MEF2C: variants seen among roughly 807,000 people sequenced by gnomAD.
MEF2C encodes myocyte-specific enhancer factor 2C.
Under a neutral mutation model 50.5 loss-of-function variants are expected in MEF2C, and 6 were observed. The observed-to-expected ratio is 0.12, with a 90% CI of 0.07 to 0.23. The LOEUF (loss-of-function observed/expected upper bound fraction) is 0.23. Ranked by LOEUF, MEF2C falls within the 10% of genes least tolerant of loss-of-function variation. The pLI, the probability that MEF2C is intolerant of heterozygous loss-of-function variation, is 1.00. For missense variants in MEF2C, 276 were observed against 605.0 expected (o/e 0.46, Z 5.70); for synonymous variants, 183 against 228.0 (o/e 0.80, Z 1.78).
chr5:88,869,180 A>C (rs1201322454), intron 1 of MEF2C, among the ~76,000 whole-genome samples: 1 of 149,034 alleles, frequency 6.7e-6, no homozygotes, highest in Non-Finnish European at 1.5e-5. Context: ...ACAATATATC[A>C]GTTTCACAAT....
intron 2 of MEF2C, among the ~76,000 whole-genome samples, chr5:88,820,027 G>A (rs1807484412): frequency 6.6e-6 from 1 of 151,598 alleles, no homozygotes; most frequent in African/African-American, 2.4e-5. Context: ...ACAGATAAAT[G>A]AATTATTCAG....
intron 6 of MEF2C, among the ~76,000 whole-genome samples, chr5:88,747,270 C>T (rs1342712895): frequency 6.8e-6 from 1 of 147,814 alleles, no homozygotes; most frequent in Non-Finnish European, 1.5e-5. Context: ...TAAGCAGTAA[C>T]AAGCCACTTC....
rs987863459 is a variant in MEF2C, at chr5:88,721,414, A to G, written c.*1190T>C. 1 of 152,648 alleles carries G rather than the reference A, an allele frequency of 6.6e-6. No homozygotes were observed. Among genetic ancestry groups the G allele is most frequent in the Non-Finnish European group, 1.5e-5 (1 of 68,042 alleles). 9.5% of individuals were successfully genotyped at this position (152,648 alleles called of 1,614,324 possible). A position where few individuals can be genotyped will look rare whatever the true frequency, so the allele number is the denominator to read the frequency against. On this transcript the variant is annotated 3_prime_UTR_variant, in exon 11 of 11. Transcript: ENST00000504921. The stretch of plus-strand genomic sequence containing the variant: ...ATTAAAAACAATTTAGGGTGTTGCA[A>G]TGTGATATGTTCTAACCCCACAGGT...
At chr5:88,893,798 A>G (rs1382703319) in intron 1 of MEF2C, among the ~76,000 whole-genome samples, 2 of 152,138 alleles carry the variant, frequency 1.3e-5, no homozygotes, top group African/African-American at 4.8e-5. Flanking sequence ...ATTATTTTGT[A>G]ATATGGTGAG....
At chr5:88,763,451 T>A (rs1778705807) in intron 3 of MEF2C, among the ~76,000 whole-genome samples, 1 of 152,216 alleles carries the variant, frequency 6.6e-6, no homozygotes, top group Non-Finnish European at 1.5e-5. Flanking sequence ...TTCTGGCTGA[T>A]AACTATTGTA....
At chr5:88,811,448 G>T (rs1321227556) in intron 2 of MEF2C, among the ~76,000 whole-genome samples, 1 of 152,076 alleles carries the variant, frequency 6.6e-6, no homozygotes, top group East Asian at 1.9e-4. Context: ...TGTAGAAGGG[G>T]CTCCTGAATT....
At chr5:88,752,602 A>G (rs1471866899) in intron 4 of MEF2C, 3 of 984,156 alleles carry the variant, frequency 3.0e-6, no homozygotes, top group East Asian at 2.3e-4. Context: ...AAGATTCAAC[A>G]GAGCATGTAT....
At chr5:88,741,617 T>G in intron 6 of MEF2C, 1 of 981,356 alleles carries the variant, frequency 1.0e-6, no homozygotes, top group Non-Finnish European at 1.2e-6. Flanking sequence ...TGTTTGAATA[T>G]GTAAACTGGC....
In MEF2C at chr5:88,804,790, T is replaced by C. The variant is rs2153075042; in HGVS notation, c.66A>G (p.Thr22=). ...MDERNRQVTF[T]KRKFGLMKKA... is the part of the protein sequence containing the mutation. The stretch of plus-strand genomic sequence containing the variant: ...TCTTCATCAACCCAAATTTCCTCTT[T>C]GTAAATGTCACCTAGAAAAAAGAAA... Residue 22 remains threonine (T), a synonymous_variant, in exon 3 of 11, where the codon ACA becomes ACG. Transcript: ENST00000504921. 2 of 1,613,290 alleles carry C rather than the reference T, an allele frequency of 1.2e-6. No homozygotes were observed. Among genetic ancestry groups the C allele is most frequent in the Admixed American group, 1.7e-5 (1 of 60,034 alleles).
At chr5:88,835,547 C>T (rs1561266981) in intron 1 of MEF2C, among the ~76,000 whole-genome samples, 1 of 152,050 alleles carries the variant, frequency 6.6e-6, no homozygotes. Context: ...CGCAGTGGCT[C>T]ATGCCTGTAA....
upstream of MEF2C, chr5:88,883,358 G>T: frequency 6.5e-6 from 1 of 153,316 alleles, no homozygotes; most frequent in South Asian, 1.9e-4. Flanking sequence ...GGAGGAGGAG[G>T]AGAAAGTGGC....
At position 88,872,817 on chromosome 5, in the gene MEF2C, G is replaced by A. The variant is rs189133570; in HGVS notation, c.-143+10138C>T. On this transcript the variant is annotated intron_variant, in intron 1 of 10. Coordinates refer to ENST00000504921, the MANE Select transcript of MEF2C (RefSeq NM_002397.5). ...ACCACTAATCAGTAAATGGGAGGCTGGCTTTTGAACCCAGTTTTGGTCGTT... is the reference window on the plus strand; with the variant it reads ...ACCACTAATCAGTAAATGGGAGGCTAGCTTTTGAACCCAGTTTTGGTCGTT... 3.4e-3 allele frequency among the ~76,000 whole-genome samples: 513 copies of A among 151,996 alleles called. 1 individual carries two copies. Among genetic ancestry groups the A allele is most frequent in the African/African-American group, 8.9e-3 (370 of 41,488 alleles).
At chr5:88,734,588 T>TTTTTTTTTTTTTTG in intron 6 of MEF2C, 1 of 974,082 alleles carries the variant, frequency 1.0e-6, no homozygotes, top group Non-Finnish European at 1.2e-6. Context: ...TTTTTTTTTT[T>TTTTTTTTTTTTTTG]TTTTTTTTTT....
intron 3 of MEF2C, among the ~76,000 whole-genome samples, chr5:88,766,306 T>C (rs1440748480): frequency 6.6e-6 from 1 of 152,238 alleles, no homozygotes; most frequent in Admixed American, 6.5e-5. Flanking sequence ...AGCTCTCATT[T>C]CTTGTTTTAG....
chr5:88,720,333 T>C lies in MEF2C; in HGVS notation c.*2271A>G, dbSNP rs907670027. 1.1e-5 allele frequency: 1 copy of C among 89,170 alleles called. No individual in the cohort carries two copies. The highest frequency in any genetic ancestry group is 2.7e-5 in the Non-Finnish European group (1 of 37,090). 5.5% of individuals were successfully genotyped at this position (89,170 alleles called of 1,614,324 possible). On this transcript the variant is annotated 3_prime_UTR_variant, in exon 11 of 11. Coordinates refer to ENST00000504921, the MANE Select transcript of MEF2C (RefSeq NM_002397.5). ...AGTGGGATATATATGAAATGGTTGA[T>C]AGATTTTTTTTTTTTAATATATAAA...
At chr5:88,847,729 G>C (rs908396225) in intron 1 of MEF2C, among the ~76,000 whole-genome samples, 1 of 151,944 alleles carries the variant, frequency 6.6e-6, no homozygotes. Context: ...AAAAGGGAGA[G>C]AGAATAATCC....
chr5:88,788,214 A>C (rs1791976853), intron 3 of MEF2C, among the ~76,000 whole-genome samples: 1 of 151,732 alleles, frequency 6.6e-6, no homozygotes, highest in Non-Finnish European at 1.5e-5. Flanking sequence ...TTATTTAGAG[A>C]CTGTGTCTCG....
At chr5:88,773,402 A>G (rs1030957387) in intron 3 of MEF2C, among the ~76,000 whole-genome samples, 2 of 152,222 alleles carry the variant, frequency 1.3e-5, no homozygotes, top group Admixed American at 1.3e-4. Flanking sequence ...ACATAAACTT[A>G]AATTATAAAA....
intron 1 of MEF2C, among the ~76,000 whole-genome samples, chr5:88,900,378 A>G (rs1835525107): frequency 6.6e-6 from 1 of 151,722 alleles, no homozygotes; most frequent in Non-Finnish European, 1.5e-5. Flanking sequence ...ATGTGTTAGT[A>G]TATTTTGTAT....
Sources: allele counts gnomAD v4.1 joint callset (sites outside exome capture counted in the v4.1 genomes callset), GRCh38; gene constraint gnomAD v4.1.1; transcripts MANE v1.5; gene names NCBI Gene and HGNC (gene_info 2026-07-23, HGNC 2026-07-21).